Variants in EDIL3 observed in about 807,000 individuals in gnomAD.
EDIL3 encodes the protein EGF-like repeat and discoidin I-like domain-containing protein 3.
EDIL3 carries 37 observed loss-of-function variants against 67.4 expected under a neutral mutation model. That is an observed-to-expected ratio of 0.55 (90% CI 0.42 to 0.72). The LOEUF (loss-of-function observed/expected upper bound fraction) is 0.72, where lower values mean the gene tolerates loss of function less well. Among genes scored for constraint, EDIL3 ranks in the 30% least tolerant of loss-of-function variants. The pLI is 0.00. For synonymous variants in EDIL3, 195 were observed against 196.3 expected (o/e 0.99, Z 0.05); for missense variants, 527 against 586.3 (o/e 0.90, Z 1.04).
intron 3 of EDIL3, among the ~76,000 whole-genome samples, chr5:84,218,811 G>C (rs1056945819): frequency 9.2e-5 from 14 of 152,150 alleles, no homozygotes; most frequent in African/African-American, 3.4e-4. Flanking sequence ...TGGTGGCCAT[G>C]GGGAGAGAGT....
chr5:84,292,622 T>A (rs1018968134), intron 1 of EDIL3, among the ~76,000 whole-genome samples: 1 of 152,328 alleles, frequency 6.6e-6, no homozygotes, highest in Admixed American at 6.5e-5. Flanking sequence ...ATATCCTATT[T>A]TTTTAAGATT....
At chr5:84,377,803 G>A (rs1338494845) in intron 1 of EDIL3, among the ~76,000 whole-genome samples, 1 of 152,086 alleles carries the variant, frequency 6.6e-6, no homozygotes, top group African/African-American at 2.4e-5. Flanking sequence ...AAAGATAAAA[G>A]GCAAAGCTAA....
intron 9 of EDIL3, among the ~76,000 whole-genome samples, chr5:84,018,815 C>A (rs1024825293): frequency 1.3e-5 from 2 of 152,128 alleles, no homozygotes; most frequent in African/African-American, 4.8e-5. Context: ...CACTGGCCAT[C>A]AGAGAAATGC....
At chr5:83,958,668 T>C (rs1744555599) in intron 10 of EDIL3, among the ~76,000 whole-genome samples, 1 of 151,508 alleles carries the variant, frequency 6.6e-6, no homozygotes, top group Admixed American at 6.6e-5. Flanking sequence ...AAACCCATTT[T>C]TATTTCTAAT....
chr5:84,273,280 C>A (rs1745512077), intron 1 of EDIL3, among the ~76,000 whole-genome samples: 1 of 152,130 alleles, frequency 6.6e-6, no homozygotes, highest in African/African-American at 2.4e-5. Flanking sequence ...GGTCCCAAGC[C>A]TGAGTTCCTG....
At chr5:84,244,934 G>A (rs1314325185) in intron 2 of EDIL3, among the ~76,000 whole-genome samples, 2 of 152,186 alleles carry the variant, frequency 1.3e-5, no homozygotes, top group South Asian at 2.1e-4. Context: ...TGTAGGTTGC[G>A]TGCTCCTTAT....
intron 1 of EDIL3, among the ~76,000 whole-genome samples, chr5:84,358,590 T>TC (rs1747534649): frequency 6.9e-6 from 1 of 144,674 alleles, no homozygotes; most frequent in Non-Finnish European, 1.5e-5. Flanking sequence ...TTCATTTTTA[T>TC]CCTTTTTTTT....
intron 1 of EDIL3, among the ~76,000 whole-genome samples, chr5:84,299,516 C>CT (rs531062029): frequency 6.8e-4 from 104 of 152,262 alleles, no homozygotes; most frequent in African/African-American, 2.3e-3. Flanking sequence ...CTTAAATTAC[C>CT]TTTTTTCCCC....
chr5:84,137,144 T>G, intron 5 of EDIL3, 97 bp downstream of exon 5: 1 of 829,894 alleles, frequency 1.2e-6, no homozygotes, highest in Non-Finnish European at 1.8e-6. Flanking sequence ...ATGATGTACA[T>G]AAAAATATAT....
At chr5:84,197,017 A>G (rs973464938) in intron 3 of EDIL3, 2 of 152,030 alleles carry the variant, frequency 1.3e-5, no homozygotes, top group Non-Finnish European at 2.9e-5. Flanking sequence ...GGCCAAGAGT[A>G]GTTTTGTTTA....
At position 84,206,916 on chromosome 5, in the gene EDIL3, A is replaced by G. The variant is rs546410733; in HGVS notation, c.226+22939T>C. Among the ~76,000 whole-genome samples the G allele has an allele frequency of 8.5e-5, 13 of 152,372 alleles. No homozygotes were observed. The East Asian group carries it at 2.5e-3, about 29-fold the overall frequency. The stretch of plus-strand genomic sequence containing the variant: ...ATATCTCAAATAATAAGAGCTATCT[A>G]TGACAAACCCACAGTCAATATCATA... On this transcript the variant is annotated intron_variant, in intron 3 of 10. Coordinates refer to ENST00000296591, the MANE Select transcript of EDIL3 (RefSeq NM_005711.5).
chr5:84,234,797 G>A (rs1181429120), intron 2 of EDIL3, among the ~76,000 whole-genome samples: 1 of 152,058 alleles, frequency 6.6e-6, no homozygotes, highest in Non-Finnish European at 1.5e-5. Context: ...TACCAAATAT[G>A]TTTTCAAGCA....
intron 9 of EDIL3, among the ~76,000 whole-genome samples, chr5:84,040,274 C>T (rs1053314701): frequency 7.2e-5 from 11 of 152,118 alleles, no homozygotes; most frequent in Admixed American, 1.3e-4. Flanking sequence ...ACCATATTAA[C>T]GTGCATCATG....
intron 9 of EDIL3, among the ~76,000 whole-genome samples, chr5:83,970,256 T>TTATATATATATATATATATATATATA (rs60143474): frequency 5.4e-5 from 7 of 128,504 alleles, no homozygotes; most frequent in African/African-American, 1.3e-4. Flanking sequence ...GTGTCACTAA[T>TTATATATATATATATATATATATATA]TATATATATA....
chr5:84,305,607 C>T (rs192425581), intron 1 of EDIL3, among the ~76,000 whole-genome samples: 4 of 152,290 alleles, frequency 2.6e-5, no homozygotes, highest in African/African-American at 4.8e-5. Context: ...AGGCCGAGTG[C>T]GGTGGCTCAC....
At chr5:84,142,716 ATAAG>A (rs1299217912) in intron 4 of EDIL3, among the ~76,000 whole-genome samples, 1 of 151,984 alleles carries the variant, frequency 6.6e-6, no homozygotes, top group Non-Finnish European at 1.5e-5. Context: ...TCTCCTCTTC[ATAAG>A]TAAGTACATT....
At chr5:84,267,146 T>C (rs1332129948) in intron 1 of EDIL3, among the ~76,000 whole-genome samples, 1 of 152,226 alleles carries the variant, frequency 6.6e-6, no homozygotes, top group Admixed American at 6.5e-5. Context: ...CCCTTGCCTT[T>C]AGTCTTCACT....
chr5:84,245,482 G>T (rs932576570), intron 2 of EDIL3, among the ~76,000 whole-genome samples: 5 of 151,982 alleles, frequency 3.3e-5, no homozygotes, highest in African/African-American at 1.2e-4. Flanking sequence ...TAAATGACTT[G>T]CTTTATTTGG....
chr5:83,978,695 C>G (rs1048362358), intron 9 of EDIL3, among the ~76,000 whole-genome samples: 2 of 151,962 alleles, frequency 1.3e-5, no homozygotes, highest in Admixed American at 6.6e-5. Flanking sequence ...ACAGGGTCAT[C>G]TGAAAGCTTG....
Sources: allele counts gnomAD v4.1 joint callset (sites outside exome capture counted in the v4.1 genomes callset), GRCh38; gene constraint gnomAD v4.1.1; transcripts MANE v1.5; gene names NCBI Gene and HGNC (gene_info 2026-07-23, HGNC 2026-07-21).